The following VAC14 variants were observed in gnomAD, a reference collection of about 807,000 sequenced individuals.
VAC14 encodes protein VAC14 homolog.
VAC14 carries 47 observed loss-of-function variants against 85.3 expected under a neutral mutation model. The ratio of observed to expected loss-of-function variants is 0.55; its 90% CI spans 0.44 to 0.70. The LOEUF is 0.70. Among genes scored for constraint, VAC14 ranks in the 30% least tolerant of loss-of-function variants. The pLI is 0.00. For missense variants in VAC14, 861 were observed against 1,004.3 expected (o/e 0.86, Z 1.93); for synonymous variants, 447 against 430.5 (o/e 1.04, Z -0.47).
At chr16:70,689,719 TC>T in intron 18 of VAC14, 1 of 985,546 alleles carries the variant, frequency 1.0e-6, no homozygotes, top group Non-Finnish European at 1.2e-6. Context: ...TGACTTTAGT[TC>T]AACAAAGATC....
At chr16:70,731,779 T>A in intron 13 of VAC14, 152 bp from the exon 14 acceptor site, 1 of 896,114 alleles carries the variant, frequency 1.1e-6, no homozygotes, top group African/African-American at 1.7e-5. Flanking sequence ...TCAAGAGCCA[T>A]GGAGCAACAG....
intron 14 of VAC14, chr16:70,714,781 A>G (rs1439712948): frequency 6.6e-6 from 1 of 152,296 alleles, no homozygotes; most frequent in East Asian, 1.9e-4. Flanking sequence ...CAGCAGCAAG[A>G]ACCCTGGTCA....
At chr16:70,728,407 CTCCTGCCCAGCCCAGT>C (rs1472561655) in intron 14 of VAC14, among the ~76,000 whole-genome samples, 1 of 152,176 alleles carries the variant, frequency 6.6e-6, no homozygotes, top group East Asian at 1.9e-4. Flanking sequence ...TGCAGCCCAG[CTCCTGCCCAGCCCAGT>C]GGGCACGTTA....
At chr16:70,769,583 G>A (rs2143142806) in intron 10 of VAC14, 1 of 152,348 alleles carries the variant, frequency 6.6e-6, no homozygotes, top group African/African-American at 2.4e-5. Flanking sequence ...TAGATCATTT[G>A]TTCTTGTTTG....
chr16:70,728,412 G>C (rs1195851683), intron 14 of VAC14, among the ~76,000 whole-genome samples: 3 of 152,134 alleles, frequency 2.0e-5, no homozygotes, highest in Admixed American at 2.0e-4. Context: ...CCCAGCTCCT[G>C]CCCAGCCCAG....
At chr16:70,722,867 C>A (rs771823862) in intron 14 of VAC14, among the ~76,000 whole-genome samples, 2 of 152,020 alleles carry the variant, frequency 1.3e-5, no homozygotes, top group South Asian at 2.1e-4. Flanking sequence ...ACGGTTTGAG[C>A]CCAGGAGTTC....
chr16:70,784,021 G>T, intron 5 of VAC14, 92 bp downstream of exon 5: 1 of 996,520 alleles, frequency 1.0e-6, no homozygotes, highest in Non-Finnish European at 1.6e-6. Flanking sequence ...GAACATGGAG[G>T]GTTCCTATAG....
At chr16:70,763,174 C>G in intron 10 of VAC14, 149 bp from the exon 11 acceptor site, 1 of 1,176,646 alleles carries the variant, frequency 8.5e-7, no homozygotes. Context: ...TAACCTGATC[C>G]CACACATCCT....
At chr16:70,753,439 T>C (rs770669174) in intron 12 of VAC14, among the ~76,000 whole-genome samples, 3 of 152,062 alleles carry the variant, frequency 2.0e-5, no homozygotes, top group Non-Finnish European at 2.9e-5. Context: ...AATCAACACA[T>C]GACTTGCAAG....
At chr16:70,690,739 G>A in intron 18 of VAC14, 3 of 985,440 alleles carry the variant, frequency 3.0e-6, no homozygotes, top group Non-Finnish European at 3.6e-6. Flanking sequence ...CCTTCCCAGG[G>A]TGTGAGCCGT....
chr16:70,730,825 C>T (rs969293918), intron 14 of VAC14, among the ~76,000 whole-genome samples: 2 of 152,080 alleles, frequency 1.3e-5, no homozygotes, highest in Non-Finnish European at 2.9e-5. Flanking sequence ...GGGCTGAGAA[C>T]CACGGCTGGA....
chr16:70,784,825 G>C lies in VAC14; in HGVS notation c.437C>G (p.Pro146Arg). 6.2e-7 allele frequency: 1 copy of C among 1,614,102 alleles called. No homozygotes were observed. Among genetic ancestry groups the C allele is most frequent in the African/African-American group, 1.3e-5 (1 of 75,034 alleles). Reference protein sequence around the residue: ...FDGLSKLAADPDPNVKSGSEL... With the variant: ...FDGLSKLAADRDPNVKSGSEL... ...AGATCCGCTTTTCACATTGGGGTCTGGGTCGGCTGCCAGCTGCAAGAGGCA... is the reference window on the plus strand; with the variant it reads ...AGATCCGCTTTTCACATTGGGGTCTCGGTCGGCTGCCAGCTGCAAGAGGCA... The change falls in exon 4 of 19, where the codon CCA (proline) becomes CGA (arginine). Residue 146 changes from proline to arginine, a missense_variant. Transcript: ENST00000261776.
At chr16:70,697,084 G>T in intron 16 of VAC14, 55 bp downstream of exon 16, 1 of 1,450,966 alleles carries the variant, frequency 6.9e-7, no homozygotes, top group African/African-American at 1.4e-5. Context: ...GGGGGCAGCC[G>T]GCCCCTTCCT....
Position 70,785,276 on chromosome 16 carries a change from TG to T in VAC14, c.423+425del, listed in dbSNP as rs543672985. 5.3e-5 allele frequency among the ~76,000 whole-genome samples: 8 copies of T among 152,086 alleles called. No individual in the cohort carries two copies. In the East Asian group the frequency reaches 1.4e-3, roughly 26 times the overall value. On this transcript the variant is annotated intron_variant, in intron 3 of 18. Coordinates refer to ENST00000261776, the MANE Select transcript of VAC14 (RefSeq NM_018052.5). Reference sequence around the variant, plus strand: ...CAGCATTGCAGGGCTGCTCCGCGCCTGGGAAGGGAACTCCACCAGGCTGCAA... The same window carrying T: ...CAGCATTGCAGGGCTGCTCCGCGCCTGGAAGGGAACTCCACCAGGCTGCAA...
rs768997434 is a variant in VAC14 at position 70,731,532 on chromosome 16, G to A, written c.1624C>T (p.Arg542Trp). Residue 542 changes from arginine (R) to tryptophan (W), a missense_variant, in exon 14 of 19, where the codon CGG (arginine) becomes TGG (tryptophan). Arg to Trp is a moderately radical substitution (Grantham distance 101). Around this residue, in one of 3 missense-constraint regions of VAC14, gnomAD observed 629 missense variants for 703.1 expected, o/e 0.89. Coordinates refer to ENST00000261776, the MANE Select transcript of VAC14 (RefSeq NM_018052.5). ...GGGCCTCTGACCTCCAGGAGCTTCCGTTCGCTGCTGAATCTCTTGAGAAGG... is the reference window on the plus strand; with the variant it reads ...GGGCCTCTGACCTCCAGGAGCTTCCATTCGCTGCTGAATCTCTTGAGAAGG... ...INLLKRFSSE[R>W]KLLEVRGPFI... The A allele has an allele frequency of 3.1e-6, 5 of 1,614,130 alleles. No individual in the cohort carries two copies. The highest frequency in any genetic ancestry group is 1.7e-5 in the Admixed American group (1 of 60,022).
intron 1 of VAC14, among the ~76,000 whole-genome samples, chr16:70,794,147 C>G (rs541658348): frequency 2.0e-5 from 3 of 152,206 alleles, no homozygotes; most frequent in Non-Finnish European, 4.4e-5. Flanking sequence ...ACACAATTCA[C>G]ATACCATAAA....
chr16:70,738,165 G>A (rs1249590663), intron 13 of VAC14, among the ~76,000 whole-genome samples: 2 of 152,234 alleles, frequency 1.3e-5, no homozygotes, highest in Non-Finnish European at 2.9e-5. Flanking sequence ...ACAGGGTGGG[G>A]AAGGGGCAGT....
chr16:70,726,245 A>T (rs889609308), intron 14 of VAC14, among the ~76,000 whole-genome samples: 1 of 152,226 alleles, frequency 6.6e-6, no homozygotes, highest in Admixed American at 6.5e-5. Context: ...AGGCCGGGGG[A>T]AGGCAACGCA....
rs760346990 is a variant in VAC14, at chr16:70,786,200, G to A, written c.255+15C>T. 2 of 1,612,950 alleles carry A rather than the reference G, an allele frequency of 1.2e-6. No individual in the cohort carries two copies. The highest frequency in any genetic ancestry group is 4.5e-5 in the East Asian group (2 of 44,876). ...GCCAGGACTGGTATGTCTGTCCCTT[G>A]GGTGAAAGGCCCACCTTGCCCAGTG... On this transcript the variant is annotated intron_variant, in intron 2 of 18. Transcript: ENST00000261776.
Sources: gnomAD v4.1 joint callset for allele counts (sites outside exome capture counted in the v4.1 genomes callset) on GRCh38, gnomAD v4.1.1 for gene constraint, gnomAD v4.1.1 regional missense constraint, MANE v1.5 for transcripts, NCBI Gene and HGNC (gene_info 2026-07-23, HGNC 2026-07-21) for gene names.